CSGALNACT1: variants seen among roughly 807,000 people sequenced by gnomAD.
CSGALNACT1 encodes beta4GalNAcT-1.
In CSGALNACT1, 52 loss-of-function variants were observed where a neutral mutation model predicts 51.0. The ratio of observed to expected loss-of-function variants is 1.02; its 90% CI spans 0.82 to 1.29. The LOEUF (loss-of-function observed/expected upper bound fraction) is 1.29, where lower values mean the gene tolerates loss of function less well. CSGALNACT1 is among the 50% of genes most tolerant of loss of function. CSGALNACT1 has a pLI of 0.00. For synonymous variants in CSGALNACT1, 341 were observed against 254.4 expected, an observed-to-expected ratio of 1.34 and a Z score of -3.24; for missense variants, 935 against 679.2, an observed-to-expected ratio of 1.38 and a Z score of -4.19.
intron 6 of CSGALNACT1, among the ~76,000 whole-genome samples, chr8:19,423,871 T>C (rs2058352830): frequency 6.6e-6 from 1 of 152,232 alleles, no homozygotes. Flanking sequence ...ATTCACTTCA[T>C]GTGTCCACAG....
rs568186831 is a variant in CSGALNACT1, at chr8:19,732,243, AT to A, written c.-297+25606del. ...TGATGAACATTAACTAACAAGAAAA[AT>A]CTGTCCTCAAAAACACTATTTTTAA... On this transcript the variant is annotated intron_variant, in intron 1 of 1. Coordinates refer to the CSGALNACT1 transcript ENST00000517494. Among the ~76,000 whole-genome samples the A allele has an allele frequency of 1.1e-3, 174 of 152,350 alleles. 3 individuals carry two copies. The South Asian group carries it at 0.018, about 16-fold the overall frequency.
intron 4 of CSGALNACT1, among the ~76,000 whole-genome samples, chr8:19,474,466 A>G (rs1399035408): frequency 1.3e-5 from 2 of 152,144 alleles, no homozygotes; most frequent in Non-Finnish European, 2.9e-5. Flanking sequence ...TCTTGCAATC[A>G]TTGTAGGGTC....
intron 1 of CSGALNACT1, among the ~76,000 whole-genome samples, chr8:19,616,040 C>A (rs570916131): frequency 5.6e-4 from 85 of 152,080 alleles, no homozygotes; most frequent in Non-Finnish European, 1.1e-3. Context: ...TGTGGATATA[C>A]AAGATTGAAT....
intron 3 of CSGALNACT1, among the ~76,000 whole-genome samples, chr8:19,556,644 A>T (rs2039505790): frequency 6.6e-6 from 1 of 152,172 alleles, no homozygotes; most frequent in Non-Finnish European, 1.5e-5. Context: ...TTCTGTATGC[A>T]AGCTTCTATC....
At chr8:19,491,291 G>T (rs2074307664) in intron 4 of CSGALNACT1, among the ~76,000 whole-genome samples, 1 of 151,982 alleles carries the variant, frequency 6.6e-6, no homozygotes, top group Non-Finnish European at 1.5e-5. Context: ...GTCTCCTATT[G>T]TTAGACAACT....
intron 3 of CSGALNACT1, among the ~76,000 whole-genome samples, chr8:19,581,322 C>T (rs982554680): frequency 6.6e-6 from 1 of 152,158 alleles, no homozygotes; most frequent in Non-Finnish European, 1.5e-5. Flanking sequence ...TAGTTTCATA[C>T]TCAATTATGC....
chr8:19,518,665 ACTC>A (rs1202888026), intron 3 of CSGALNACT1, among the ~76,000 whole-genome samples: 4 of 151,870 alleles, frequency 2.6e-5, no homozygotes, highest in Non-Finnish European at 4.4e-5. Context: ...CTGCTCCTAA[ACTC>A]CTCATGTGTG....
intron 1 of CSGALNACT1, among the ~76,000 whole-genome samples, chr8:19,726,790 G>A (rs1272713381): frequency 1.3e-5 from 2 of 152,158 alleles, no homozygotes; most frequent in East Asian, 1.9e-4. Context: ...AAGTATATCC[G>A]TTAAAAATCA....
At chr8:19,629,212 T>C (rs531552096) in intron 1 of CSGALNACT1, among the ~76,000 whole-genome samples, 11 of 152,206 alleles carry the variant, frequency 7.2e-5, no homozygotes, top group Non-Finnish European at 1.0e-4. Context: ...AACCGTTTAG[T>C]TTGACATTAA....
chr8:19,613,290 T>C (rs554349917), intron 1 of CSGALNACT1, among the ~76,000 whole-genome samples: 46 of 152,230 alleles, frequency 3.0e-4, no homozygotes, highest in Non-Finnish European at 5.3e-4. Flanking sequence ...TATTTAGTGC[T>C]TTGTTTTTAT....
At chr8:19,525,373 G>A (rs2081454367) in intron 3 of CSGALNACT1, among the ~76,000 whole-genome samples, 2 of 151,920 alleles carry the variant, frequency 1.3e-5, no homozygotes. Context: ...GGAGGCTGAG[G>A]CCGGCGGATC....
intron 4 of CSGALNACT1, among the ~76,000 whole-genome samples, chr8:19,467,508 A>C (rs965991352): frequency 1.3e-5 from 2 of 152,210 alleles, no homozygotes; most frequent in Non-Finnish European, 2.9e-5. Context: ...ACCATCAGGC[A>C]ATCAACAATG....
At chr8:19,519,845 G>C (rs1252127628) in intron 3 of CSGALNACT1, among the ~76,000 whole-genome samples, 1 of 152,200 alleles carries the variant, frequency 6.6e-6, no homozygotes, top group Non-Finnish European at 1.5e-5. Context: ...CAGCATGATG[G>C]AGAAGCCTGG....
intron 1 of CSGALNACT1, among the ~76,000 whole-genome samples, chr8:19,633,784 C>T (rs960775762): frequency 6.6e-6 from 1 of 152,126 alleles, no homozygotes; most frequent in Non-Finnish European, 1.5e-5. Context: ...TTATAGCAAC[C>T]CTGAGAAACT....
At chr8:19,624,472 A>G (rs1326572039) in intron 1 of CSGALNACT1, among the ~76,000 whole-genome samples, 1 of 152,188 alleles carries the variant, frequency 6.6e-6, no homozygotes, top group Non-Finnish European at 1.5e-5. Flanking sequence ...TTAAGTGTTT[A>G]AAAATAGCCA....
At chr8:19,717,498 T>C (rs1275819457) in intron 1 of CSGALNACT1, among the ~76,000 whole-genome samples, 2 of 152,354 alleles carry the variant, frequency 1.3e-5, no homozygotes, top group Non-Finnish European at 2.9e-5. Flanking sequence ...TGTTCAGCTA[T>C]ACAGGTTTTG....
chr8:19,428,709 T>A (rs540258855), intron 6 of CSGALNACT1, among the ~76,000 whole-genome samples: 3 of 152,168 alleles, frequency 2.0e-5, no homozygotes, highest in Non-Finnish European at 4.4e-5. Flanking sequence ...TAAACTACTA[T>A]ACAGCAGCAC....
At chr8:19,718,917 G>A (rs531072190) in intron 1 of CSGALNACT1, among the ~76,000 whole-genome samples, 77 of 152,266 alleles carry the variant, frequency 5.1e-4, no homozygotes, top group African/African-American at 1.8e-3. Flanking sequence ...ATGTCCTGAC[G>A]TATTATGGCT....
chr8:19,640,660 T>C (rs1429371576), intron 1 of CSGALNACT1, among the ~76,000 whole-genome samples: 2 of 152,238 alleles, frequency 1.3e-5, no homozygotes, highest in African/African-American at 4.8e-5. Context: ...TCTGGCACAC[T>C]TGAATCTAAT....
Sources: allele counts gnomAD v4.1 joint callset (sites outside exome capture counted in the v4.1 genomes callset), GRCh38; gene constraint gnomAD v4.1.1; transcripts MANE v1.5; gene names NCBI Gene and HGNC (gene_info 2026-07-23, HGNC 2026-07-21).